Variants in HMBOX1 observed in about 807,000 individuals in gnomAD.
HMBOX1 encodes homeobox containing 1.
HMBOX1 carries 14 observed loss-of-function variants against 54.5 expected under a neutral mutation model. The observed-to-expected ratio is 0.26, with a 90% confidence interval of 0.17 to 0.40. HMBOX1 has a LOEUF of 0.40. HMBOX1 is among the 10% of genes least tolerant of loss of function. HMBOX1 has a pLI of 1.00. For missense variants in HMBOX1, 332 were observed against 514.4 expected (o/e 0.65, Z 3.43); for synonymous variants, 160 against 181.0 (o/e 0.88, Z 0.93).
At chr8:28,996,863 G>T (rs1298380406) in intron 4 of HMBOX1, among the ~76,000 whole-genome samples, 1 of 152,102 alleles carries the variant, frequency 6.6e-6, no homozygotes, top group Non-Finnish European at 1.5e-5. Flanking sequence ...TGATGCTATT[G>T]TAAGTAGAAT....
At chr8:28,896,980 T>G (rs1305750964) in intron 1 of HMBOX1, among the ~76,000 whole-genome samples, 1 of 150,622 alleles carries the variant, frequency 6.6e-6, no homozygotes, top group Non-Finnish European at 1.5e-5. Flanking sequence ...TTGGCTAGGT[T>G]TTTTTTTTTT....
At chr8:28,956,960 G>A (rs1824567703) in intron 1 of HMBOX1, among the ~76,000 whole-genome samples, 1 of 152,158 alleles carries the variant, frequency 6.6e-6, no homozygotes, top group South Asian at 2.1e-4. Context: ...ACACCAGTCA[G>A]AATGGCCATT....
chr8:28,916,789 A>C lies in HMBOX1; in HGVS notation c.-58+26111A>C, dbSNP rs145859343. ...AATCTAAATTGTTTTTACTATTCTC[A>C]TTCATTGGCCTTTCCATACAGATAT... On this transcript the variant is annotated intron_variant, in intron 1 of 9. Coordinates refer to ENST00000287701, the MANE Select transcript of HMBOX1 (RefSeq NM_001135726.3). 3.3e-3 allele frequency among the ~76,000 whole-genome samples: 496 copies of C among 151,896 alleles called. 7 individuals carry two copies. The highest frequency in any genetic ancestry group is 0.011 in the African/African-American group (460 of 41,400).
At chr8:28,913,009 C>T (rs1466461011) in intron 1 of HMBOX1, among the ~76,000 whole-genome samples, 1 of 152,048 alleles carries the variant, frequency 6.6e-6, no homozygotes, top group African/African-American at 2.4e-5. Flanking sequence ...TTCTTACTTC[C>T]TTCATGTTAA....
chr8:28,920,134 G>C lies in HMBOX1; in HGVS notation c.-58+29456G>C, dbSNP rs528055273. On this transcript the variant is annotated intron_variant, in intron 1 of 9. Coordinates refer to ENST00000287701, the MANE Select transcript of HMBOX1 (RefSeq NM_001135726.3). ...GATTTTACATCAACCAGGTAAACTTGACAACCTAGTTTCAAATTTATATGT... is the reference window on the plus strand; with the variant it reads ...GATTTTACATCAACCAGGTAAACTTCACAACCTAGTTTCAAATTTATATGT... Among the ~76,000 whole-genome samples the C allele has an allele frequency of 2.6e-5, 4 of 152,216 alleles. No individual in the cohort carries two copies. The East Asian group carries it at 7.7e-4, about 29-fold the overall frequency.
chr8:28,981,455 G>A (rs1272284502), intron 4 of HMBOX1, among the ~76,000 whole-genome samples: 30 of 152,200 alleles, frequency 2.0e-4, no homozygotes, highest in Admixed American at 2.0e-3. Flanking sequence ...GACAAGTCAA[G>A]CAGGTTTTAG....
intron 4 of HMBOX1, 77 bp downstream of exon 4, chr8:28,980,233 G>A: frequency 1.9e-6 from 2 of 1,036,964 alleles, no homozygotes; most frequent in East Asian, 4.8e-5. Flanking sequence ...AATATTGCTT[G>A]CATTTCTGCA....
At chr8:28,978,837 A>C (rs1828877985) in intron 3 of HMBOX1, among the ~76,000 whole-genome samples, 1 of 152,072 alleles carries the variant, frequency 6.6e-6, no homozygotes, top group Admixed American at 6.5e-5. Flanking sequence ...TATACAAGAC[A>C]GAAAACAAAC....
At chr8:28,942,383 A>C (rs1821597025) in intron 1 of HMBOX1, among the ~76,000 whole-genome samples, 1 of 152,190 alleles carries the variant, frequency 6.6e-6, no homozygotes. Flanking sequence ...AGCTCAGCCA[A>C]CTTGTTACAT....
intron 1 of HMBOX1, among the ~76,000 whole-genome samples, chr8:28,937,660 A>G (rs1406051262): frequency 6.6e-6 from 1 of 152,166 alleles, no homozygotes; most frequent in African/African-American, 2.4e-5. Flanking sequence ...CAAAGGCAAG[A>G]CTATTATTTT....
intron 8 of HMBOX1, chr8:29,048,401 A>AAAT (rs1805925794): frequency 6.6e-6 from 1 of 152,244 alleles, no homozygotes; most frequent in African/African-American, 2.4e-5. Flanking sequence ...AAAAAGGAAG[A>AAAT]AATAAAGGAT....
chr8:28,992,058 C>T (rs1831055252), intron 4 of HMBOX1, among the ~76,000 whole-genome samples: 2 of 152,202 alleles, frequency 1.3e-5, no homozygotes, highest in African/African-American at 4.8e-5. Flanking sequence ...TGTTTTGCCA[C>T]ACAGCCACTG....
chr8:28,967,675 C>T (rs942020415), intron 2 of HMBOX1, among the ~76,000 whole-genome samples: 3 of 152,072 alleles, frequency 2.0e-5, no homozygotes, highest in Non-Finnish European at 2.9e-5. Context: ...CTGAAAATAG[C>T]AACAAACAGG....
intron 1 of HMBOX1, among the ~76,000 whole-genome samples, chr8:28,960,807 A>G (rs1825443974): frequency 1.4e-5 from 1 of 70,582 alleles, no homozygotes; most frequent in African/African-American, 5.6e-5. Context: ...TTTTTTTTGG[A>G]GACGGAGTCT....
chr8:29,000,275 C>T (rs767787292), intron 4 of HMBOX1, among the ~76,000 whole-genome samples: 13 of 152,284 alleles, frequency 8.5e-5, no homozygotes, highest in East Asian at 1.9e-4. Context: ...TATAATTCTG[C>T]GTAAACCTTC....
At chr8:28,997,530 G>T (rs1275396913) in intron 4 of HMBOX1, among the ~76,000 whole-genome samples, 3 of 152,044 alleles carry the variant, frequency 2.0e-5, no homozygotes, top group African/African-American at 7.2e-5. Context: ...TTTTACATCT[G>T]CATATGTAAG....
At chr8:28,980,270 C>G in intron 4 of HMBOX1, 114 bp downstream of exon 4, 1 of 783,892 alleles carries the variant, frequency 1.3e-6, no homozygotes, top group Non-Finnish European at 2.2e-6. Flanking sequence ...TCAACTTAGG[C>G]ATAATTATGT....
chr8:28,994,838 C>A (rs1831554996), intron 4 of HMBOX1, among the ~76,000 whole-genome samples: 2 of 151,890 alleles, frequency 1.3e-5, no homozygotes, highest in African/African-American at 4.8e-5. Flanking sequence ...TATAAATGGC[C>A]AATAAGCATA....
chr8:28,914,731 C>CT (rs1816191632), intron 1 of HMBOX1, among the ~76,000 whole-genome samples: 1 of 152,048 alleles, frequency 6.6e-6, no homozygotes, highest in South Asian at 2.1e-4. Flanking sequence ...GTGAAAATTT[C>CT]TTTTTTTGCT....
Sources: gnomAD v4.1 joint callset for allele counts (sites outside exome capture counted in the v4.1 genomes callset) on GRCh38, gnomAD v4.1.1 for gene constraint, MANE v1.5 for transcripts, NCBI Gene and HGNC (gene_info 2026-07-23, HGNC 2026-07-21) for gene names.